COL18A1: variants seen among roughly 807,000 people sequenced by gnomAD.
The protein encoded by COL18A1 is collagen alpha-1(XVIII) chain.
In COL18A1, 133 loss-of-function variants were observed where a neutral mutation model predicts 168.0. The ratio of observed to expected loss-of-function variants is 0.79; its 90% CI spans 0.69 to 0.91. The LOEUF is 0.91. Ranked by LOEUF, COL18A1 falls within the 40% of genes least tolerant of loss-of-function variation. The pLI is 0.00. For missense variants in COL18A1, 2,126 were observed against 1,925.4 expected (o/e 1.10, Z -1.95); for synonymous variants, 949 against 809.0 (o/e 1.17, Z -2.94).
intron 2 of COL18A1, chr21:45,467,563 G>GA: frequency 7.7e-6 from 4 of 519,340 alleles, no homozygotes; most frequent in Non-Finnish European, 7.4e-6. Flanking sequence ...AGCGCTGGGT[G>GA]AAATCCCGCA....
At chr21:45,491,564 C>T (rs922842898) in intron 22 of COL18A1, among the ~76,000 whole-genome samples, 4 of 144,464 alleles carry the variant, frequency 2.8e-5, no homozygotes, top group East Asian at 4.0e-4. Flanking sequence ...AGTGTTTTTA[C>T]GTCAAAGGCT....
intron 37 of COL18A1, chr21:45,506,433 G>C (rs570638980): frequency 1.0e-5 from 3 of 292,780 alleles, no homozygotes; most frequent in East Asian, 9.0e-5. Context: ...TGCTTAGCAC[G>C]GGCCTTGCTC....
At chr21:45,435,458 C>A (rs997560235) in intron 2 of COL18A1, among the ~76,000 whole-genome samples, 1 of 152,066 alleles carries the variant, frequency 6.6e-6, no homozygotes, top group Non-Finnish European at 1.5e-5. Flanking sequence ...GGAGTCCTGG[C>A]CTTCCCTCTG....
chr21:45,447,429 TTAAG>T (rs1325093598), intron 2 of COL18A1, among the ~76,000 whole-genome samples: 3 of 151,952 alleles, frequency 2.0e-5, no homozygotes, highest in Admixed American at 6.6e-5. Context: ...AAAAATGAAA[TTAAG>T]AAAGAAAAAT....
chr21:45,434,077 A>ATGGGCCAGGTGTGTGAGCAGGTGCG (rs1569285692), intron 2 of COL18A1, among the ~76,000 whole-genome samples: 5 of 145,592 alleles, frequency 3.4e-5, no homozygotes, highest in Non-Finnish European at 7.4e-5. Context: ...GAGCAGGTGC[A>ATGGGCCAGGTGTGTGAGCAGGTGCG]TGGGCCAGGT....
At chr21:45,461,199 C>A (rs1378145378) in intron 2 of COL18A1, among the ~76,000 whole-genome samples, 1 of 152,160 alleles carries the variant, frequency 6.6e-6, no homozygotes, top group African/African-American at 2.4e-5. Context: ...CTTCGACCAA[C>A]AGTCACATTT....
intron 2 of COL18A1, among the ~76,000 whole-genome samples, chr21:45,440,335 C>G (rs1285987786): frequency 6.6e-6 from 1 of 152,252 alleles, no homozygotes; most frequent in Non-Finnish European, 1.5e-5. Flanking sequence ...CAGAGCTGCC[C>G]CTTGCTGTCT....
chr21:45,492,810 T>A, intron 24 of COL18A1, 97 bp downstream of exon 24: 3 of 956,632 alleles, frequency 3.1e-6, no homozygotes, highest in Non-Finnish European at 5.0e-6. Flanking sequence ...GTGGGCCTTG[T>A]CAGGCCCGAG....
intron 38 of COL18A1, among the ~76,000 whole-genome samples, chr21:45,508,597 T>TGAGTA (rs2037391799): frequency 6.6e-6 from 1 of 151,898 alleles, no homozygotes; most frequent in South Asian, 2.1e-4. Flanking sequence ...GGCCCCTCCT[T>TGAGTA]GAGTAGAGGT....
chr21:45,409,018 G>A (rs2033207238), intron 2 of COL18A1, among the ~76,000 whole-genome samples: 1 of 152,250 alleles, frequency 6.6e-6, no homozygotes, highest in South Asian at 2.1e-4. Flanking sequence ...AGGTGCAGAG[G>A]CTGGCAGGGA....
chr21:45,479,925 C>A lies in COL18A1; in HGVS notation c.1272C>A (p.Phe424Leu), dbSNP rs1438207437. 5.0e-6 allele frequency: 8 copies of A among 1,613,644 alleles called. No homozygotes were observed. Among genetic ancestry groups the A allele is most frequent in the Non-Finnish European group, 6.8e-6 (8 of 1,179,954 alleles). Residue 424 changes from phenylalanine (F) to leucine (L), a missense_variant, in exon 10 of 42, where the codon TTC becomes TTA. Coordinates refer to ENST00000651438, the MANE Select transcript of COL18A1 (RefSeq NM_001379500.1). The part of the protein sequence containing the change: ...GKPGDTGPQG[F>L]PGTPGDVGPK... ...AGGGCGACACCGGGCCACAAGGCTT[C>A]CCCGGGACTCCAGGGGACGTAGGTC...
At chr21:45,496,887 C>T (rs886098624) in intron 30 of COL18A1, among the ~76,000 whole-genome samples, 163 bp from the exon 31 acceptor site, 2 of 152,228 alleles carry the variant, frequency 1.3e-5, no homozygotes, top group Non-Finnish European at 2.9e-5. Flanking sequence ...CAGGCCGTGG[C>T]TCCTGCTCTC....
chr21:45,452,696 A>C (rs986276706), intron 2 of COL18A1, among the ~76,000 whole-genome samples: 1 of 141,004 alleles, frequency 7.1e-6, no homozygotes, highest in African/African-American at 2.8e-5. Context: ...CATGTATGTG[A>C]GTTTGTGTAT....
chr21:45,468,816 C>A (rs1217040931), intron 3 of COL18A1, 30 bp downstream of exon 3: 1 of 954,458 alleles, frequency 1.0e-6, no homozygotes, highest in Non-Finnish European at 1.5e-6. Flanking sequence ...CGCTGGGGGA[C>A]TGGAGCAGCT....
At chr21:45,437,792 A>T (rs1269298559) in intron 2 of COL18A1, among the ~76,000 whole-genome samples, 8 of 69,106 alleles carry the variant, frequency 1.2e-4, no homozygotes, top group East Asian at 4.2e-4. Flanking sequence ...TCACTCACAC[A>T]CAGACACACA....
chr21:45,475,893 C>A (rs2035630633), intron 5 of COL18A1, among the ~76,000 whole-genome samples: 1 of 152,264 alleles, frequency 6.6e-6, no homozygotes, highest in Non-Finnish European at 1.5e-5. Flanking sequence ...GTGAGCCTGA[C>A]GACCAGGAGG....
intron 13 of COL18A1, among the ~76,000 whole-genome samples, chr21:45,481,568 C>T (rs937369040): frequency 5.3e-5 from 8 of 152,236 alleles, no homozygotes; most frequent in African/African-American, 1.2e-4. Flanking sequence ...CCGTCACCAT[C>T]GGCTCTGAGG....
chr21:45,509,385 C>A lies in COL18A1; in HGVS notation c.3279C>A (p.Pro1093=), dbSNP rs529776494. The part of the protein sequence containing the change: ...TDNEVAALQP[P]VVQLHDSNPY... Reference sequence around the variant, plus strand: ...ATGAAGTGGCCGCCTTGCAGCCCCCCGTGGTGCAGCTGCACGACAGCAACC... The same window carrying A: ...ATGAAGTGGCCGCCTTGCAGCCCCCAGTGGTGCAGCTGCACGACAGCAACC... The change falls in exon 39 of 42, where the codon CCC becomes CCA. Residue 1093 remains proline (P), a synonymous_variant. Coordinates refer to ENST00000651438, the MANE Select transcript of COL18A1 (RefSeq NM_001379500.1). The A allele has an allele frequency of 3.7e-5, 57 of 1,542,060 alleles. No individual in the cohort carries two copies. The South Asian group carries it at 5.9e-4, about 16-fold the overall frequency.
chr21:45,483,614 C>T lies in COL18A1; in HGVS notation c.1701+793C>T, dbSNP rs916872565. 3.9e-5 allele frequency among the ~76,000 whole-genome samples: 6 copies of T among 152,206 alleles called. No homozygotes were observed. In the East Asian group the frequency reaches 1.2e-3, roughly 29 times the overall value. On this transcript the variant is annotated intron_variant, in intron 15 of 41. Transcript: ENST00000651438. The stretch of plus-strand genomic sequence containing the variant: ...CCACAGACGCCCCCGGAGGTGCCCT[C>T]GAGGATCCAGGCTTCCGTGGGCCGC...
Sources: allele counts gnomAD v4.1 joint callset (sites outside exome capture counted in the v4.1 genomes callset), GRCh38; gene constraint gnomAD v4.1.1; transcripts MANE v1.5; gene names NCBI Gene and HGNC (gene_info 2026-07-23, HGNC 2026-07-21).